Variants in DCLRE1C observed in about 807,000 individuals in gnomAD.
DCLRE1C encodes DNA cross-link repair 1C, also known as protein artemis.
DCLRE1C carries 47 observed loss-of-function variants against 61.4 expected under a neutral mutation model. The ratio of observed to expected loss-of-function variants is 0.77; its 90% CI spans 0.61 to 0.98. The LOEUF (loss-of-function observed/expected upper bound fraction) is 0.98, where lower values mean the gene tolerates loss of function less well. Among genes scored for constraint, DCLRE1C ranks in the 50% least tolerant of loss-of-function variants. The probability of loss-of-function intolerance (pLI) is 0.00; values close to 1 mark genes in which losing one functional copy is unlikely to be tolerated. For missense variants in DCLRE1C, 858 were observed against 816.0 expected (o/e 1.05, Z -0.63); for synonymous variants, 337 against 287.6 (o/e 1.17, Z -1.74).
At position 14,936,643 on chromosome 10, in the gene DCLRE1C, G is replaced by C. The variant is rs1228083615; in HGVS notation, c.307-50C>G. The C allele has an allele frequency of 8.2e-6, 11 of 1,338,284 alleles. No individual in the cohort carries two copies. In the Admixed American group the frequency reaches 1.9e-4, roughly 23 times the overall value. The allele number at this position is 1,338,284 out of a possible 1,614,324, so 82.9% of individuals were successfully genotyped here. On this transcript the variant is annotated intron_variant, in intron 4 of 13. Coordinates refer to ENST00000378278, the MANE Select transcript of DCLRE1C (RefSeq NM_001033855.3). ...AGTAATGGAAAGCAGTTATCATTAG[G>C]ACCTAGCTCAACAAAGCCCTCCTTC...
chr10:14,923,203 G>C, intron 11 of DCLRE1C, 134 bp from the exon 12 acceptor site: 1 of 706,398 alleles, frequency 1.4e-6, no homozygotes, highest in Non-Finnish European at 2.5e-6. Flanking sequence ...TGCACGTGGG[G>C]ATCACCAGGG....
Position 14,909,094 on chromosome 10 carries a change from T to G in DCLRE1C, c.1393A>C (p.Ile465Leu), listed in dbSNP as rs1834810326. ...AGATCTCCTTGCAGTGAAGCTGGGA[T>G]TCCTACTTCTTCTTCACTTTCACTG... ...SNSESEEEVGIPASLQGDLGS... is the reference protein window; with the variant it reads ...SNSESEEEVGLPASLQGDLGS... The change falls in exon 14 of 14, where the codon ATC (isoleucine) becomes CTC (leucine). Residue 465 changes from isoleucine to leucine, a missense_variant. This residue lies in a region of DCLRE1C where 843 missense variants were observed against 783.5 expected (regional missense o/e 1.08). Coordinates refer to ENST00000378278, the MANE Select transcript of DCLRE1C (RefSeq NM_001033855.3). 1.2e-6 allele frequency: 2 copies of G among 1,614,228 alleles called. No individual in the cohort carries two copies. Among genetic ancestry groups the G allele is most frequent in the Non-Finnish European group, 1.7e-6 (2 of 1,180,042 alleles).
In DCLRE1C at chr10:14,909,161, C is replaced by T. The variant is rs1169255098; in HGVS notation, c.1326G>A (p.Gln442=). 5 of 1,614,202 alleles carry T rather than the reference C, an allele frequency of 3.1e-6. No homozygotes were observed. The highest frequency in any genetic ancestry group is 4.2e-6 in the Non-Finnish European group (5 of 1,180,038). Residue 442 remains glutamine (Q), a synonymous_variant, in exon 14 of 14, where the codon CAG becomes CAA. Coordinates refer to ENST00000378278, the MANE Select transcript of DCLRE1C (RefSeq NM_001033855.3). The part of the protein sequence containing the change: ...TPGCCRAECM[Q]SSRFTNFVDC... ...CTACAAAGTTTGTGAAACGAGAGCT[C>T]TGCATACACTCTGCTCTGCAGCATC... is the stretch of plus-strand genomic sequence containing the variant.
At chr10:14,942,415 A>C (rs1026810935) in intron 3 of DCLRE1C, 9 of 152,230 alleles carry the variant, frequency 5.9e-5, no homozygotes, top group Non-Finnish European at 1.2e-4. Flanking sequence ...CAACAGGAAC[A>C]ACCCTGCTGT....
intron 4 of DCLRE1C, among the ~76,000 whole-genome samples, chr10:14,937,755 G>A (rs1367970443): frequency 6.6e-6 from 1 of 152,080 alleles, no homozygotes; most frequent in African/African-American, 2.4e-5. Context: ...GCTGCGCATG[G>A]TGGTGGGCAG....
chr10:14,918,844 A>G (rs1253515800), intron 13 of DCLRE1C, among the ~76,000 whole-genome samples: 1 of 152,200 alleles, frequency 6.6e-6, no homozygotes, highest in Non-Finnish European at 1.5e-5. Context: ...TAGATTCTCC[A>G]TGAGCAGAAA....
chr10:14,920,516 C>T (rs1588969349), intron 12 of DCLRE1C: 3 of 674,446 alleles, frequency 4.4e-6, no homozygotes, highest in Non-Finnish European at 5.5e-6. Flanking sequence ...CCCCATTTTA[C>T]GTCCTCACCC....
intron 6 of DCLRE1C, among the ~76,000 whole-genome samples, chr10:14,935,259 G>C (rs1839716308): frequency 6.6e-6 from 1 of 151,980 alleles, no homozygotes; most frequent in Non-Finnish European, 1.5e-5. Flanking sequence ...CTGAAGTCAG[G>C]AGTTCAAGAC....
intron 11 of DCLRE1C, among the ~76,000 whole-genome samples, chr10:14,924,140 A>AG (rs1463843445): frequency 1.3e-5 from 2 of 152,350 alleles, no homozygotes; most frequent in African/African-American, 4.8e-5. Flanking sequence ...CAAGGTACTG[A>AG]GCTGCCGCAG....
In DCLRE1C at chr10:14,935,691, T is replaced by C. The variant is rs189497173; in HGVS notation, c.363-127A>G. 376 of 977,488 alleles carry C rather than the reference T, an allele frequency of 3.8e-4. 4 individuals carry two copies. In the East Asian group the frequency reaches 7.8e-3, roughly 20 times the overall value. 60.6% of individuals were successfully genotyped at this position (977,488 alleles called of 1,614,324 possible). ...CATTACAATACAATGGTAATGGAAT[T>C]CCACAGTAATTTGAACCACACCAGG... On this transcript the variant is annotated intron_variant, in intron 5 of 13. Coordinates refer to ENST00000378278, the MANE Select transcript of DCLRE1C (RefSeq NM_001033855.3).
At chr10:14,916,103 G>A (rs1836141998) in intron 13 of DCLRE1C, among the ~76,000 whole-genome samples, 1 of 152,152 alleles carries the variant, frequency 6.6e-6, no homozygotes, top group Non-Finnish European at 1.5e-5. Flanking sequence ...AATTCTGCCT[G>A]ACACAAAGCC....
intron 13 of DCLRE1C, among the ~76,000 whole-genome samples, chr10:14,914,316 CAA>C (rs879486732): frequency 1.3e-5 from 2 of 152,166 alleles, no homozygotes; most frequent in Admixed American, 6.5e-5. Context: ...ATCAATCCCT[CAA>C]GAGGATATAA....
At chr10:14,939,700 G>C in intron 4 of DCLRE1C, 110 bp downstream of exon 4, 1 of 862,614 alleles carries the variant, frequency 1.2e-6, no homozygotes, top group Non-Finnish European at 1.8e-6. Context: ...GAGAAAGATT[G>C]AGGGTATAGC....
chr10:14,898,202 CTTTTTTTTTTTTTTTTTTT>C (rs919860514), exon 14 of DCLRE1C: 5 of 56,158 alleles, frequency 8.9e-5, no homozygotes, highest in African/African-American at 3.5e-4. Context: ...AGTACTGTTT[CTTTTTTTTTTTTTTTTTTT>C]TTTTTTTTTG....
At chr10:14,937,893 CAAAAAAAAAAAAA>C (rs749452841) in intron 4 of DCLRE1C, among the ~76,000 whole-genome samples, 1 of 40,638 alleles carries the variant, frequency 2.5e-5, no homozygotes, top group African/African-American at 9.0e-5. Flanking sequence ...GGCTCAGTCT[CAAAAAAAAAAAAA>C]AAAAAAAAAA....
intron 10 of DCLRE1C, among the ~76,000 whole-genome samples, 169 bp downstream of exon 10, chr10:14,927,847 A>C (rs1290387502): frequency 6.6e-6 from 1 of 152,198 alleles, no homozygotes; most frequent in Non-Finnish European, 1.5e-5. Flanking sequence ...TGGGAGTGTA[A>C]CTGGTTTGGG....
At chr10:14,937,948 T>A (rs1210269767) in intron 4 of DCLRE1C, among the ~76,000 whole-genome samples, 1 of 149,958 alleles carries the variant, frequency 6.7e-6, no homozygotes, top group Non-Finnish European at 1.5e-5. Context: ...CTGGTCCCGA[T>A]TCACACTGCA....
At chr10:14,922,882 C>T (rs1364909293) in intron 12 of DCLRE1C, 99 bp downstream of exon 12, 3 of 893,896 alleles carry the variant, frequency 3.4e-6, no homozygotes, top group Non-Finnish European at 5.7e-6. Flanking sequence ...CCAAAACAAA[C>T]AGATTCTAGA....
At chr10:14,902,368 ACTCT>A, downstream of DCLRE1C, 1 of 1,393,218 alleles carries the variant, frequency 7.2e-7, no homozygotes, top group Non-Finnish European at 9.9e-7. Flanking sequence ...AATTGTCTTA[ACTCT>A]CTTTCTCCTA....
Sources: gnomAD v4.1 joint callset for allele counts (sites outside exome capture counted in the v4.1 genomes callset) on GRCh38, gnomAD v4.1.1 for gene constraint, gnomAD v4.1.1 regional missense constraint, MANE v1.5 for transcripts, NCBI Gene and HGNC (gene_info 2026-07-23, HGNC 2026-07-21) for gene names.